ADORA1: variants seen among roughly 807,000 people sequenced by gnomAD.
ADORA1 encodes adenosine A1 receptor.
A neutral mutation model predicts 19.9 loss-of-function variants in ADORA1; 6 were observed. The ratio of observed to expected loss-of-function variants is 0.30; its 90% CI spans 0.17 to 0.59. The LOEUF is 0.59. ADORA1 is among the 20% of genes least tolerant of loss of function. ADORA1 has a pLI of 0.87. For missense variants in ADORA1, 302 were observed against 439.2 expected (o/e 0.69, Z 2.79); for synonymous variants, 194 against 188.4 (o/e 1.03, Z -0.24).
chr1:203,163,038 G>T (rs1292806289), intron 3 of ADORA1, among the ~76,000 whole-genome samples: 1 of 152,202 alleles, frequency 6.6e-6, no homozygotes, highest in Non-Finnish European at 1.5e-5. Flanking sequence ...GTAGACTCAT[G>T]CCCAGAACTT....
intron 3 of ADORA1, among the ~76,000 whole-genome samples, chr1:203,161,935 G>C (rs17530497): frequency 0.21 from 31,362 of 152,060 alleles, 3,887 homozygotes; most frequent in Non-Finnish European, 0.29. Flanking sequence ...GGCCCCTCTT[G>C]GTGTTCTCCC....
intron 3 of ADORA1, among the ~76,000 whole-genome samples, chr1:203,138,147 T>G (rs1049540260): frequency 4.6e-5 from 7 of 152,156 alleles, no homozygotes; most frequent in African/African-American, 1.7e-4. Flanking sequence ...GACTTTTACT[T>G]CTAAGCAACT....
chr1:203,156,810 C>G (rs1169085533), intron 3 of ADORA1, among the ~76,000 whole-genome samples: 1 of 152,242 alleles, frequency 6.6e-6, no homozygotes, highest in Admixed American at 6.5e-5. Flanking sequence ...GTTGCTGCCT[C>G]ATACCATGTG....
chr1:203,160,247 C>A (rs1655320373), intron 3 of ADORA1, among the ~76,000 whole-genome samples: 1 of 152,198 alleles, frequency 6.6e-6, no homozygotes, highest in East Asian at 1.9e-4. Context: ...GGTTGAGTAT[C>A]CCTTATCCAA....
intron 3 of ADORA1, among the ~76,000 whole-genome samples, chr1:203,157,046 T>C (rs891590497): frequency 6.6e-6 from 1 of 152,244 alleles, no homozygotes; most frequent in South Asian, 2.1e-4. Flanking sequence ...TGCCCTGGCC[T>C]TCAAAATTCA....
chr1:203,153,657 G>C (rs189925106), intron 3 of ADORA1, among the ~76,000 whole-genome samples: 1 of 152,218 alleles, frequency 6.6e-6, no homozygotes, highest in South Asian at 2.1e-4. Flanking sequence ...CCCTCACAGC[G>C]GGATTCAAGG....
intron 3 of ADORA1, among the ~76,000 whole-genome samples, chr1:203,145,888 G>T (rs1361162460): frequency 6.6e-6 from 1 of 152,184 alleles, no homozygotes; most frequent in Non-Finnish European, 1.5e-5. Flanking sequence ...AGCCTGCCAA[G>T]GCCTGAATTT....
chr1:203,130,911 AG>A (rs1194169957), intron 3 of ADORA1, among the ~76,000 whole-genome samples: 1 of 152,200 alleles, frequency 6.6e-6, no homozygotes, highest in African/African-American at 2.4e-5. Context: ...GGGTGGAGGC[AG>A]GGACCTGCAC....
intron 3 of ADORA1, among the ~76,000 whole-genome samples, chr1:203,144,176 T>C (rs2102747497): frequency 6.6e-6 from 1 of 151,466 alleles, no homozygotes; most frequent in African/African-American, 2.4e-5. Flanking sequence ...TCAGCTCAGA[T>C]GACACCTCCC....
At chr1:203,153,709 C>A (rs1396965489) in intron 3 of ADORA1, among the ~76,000 whole-genome samples, 2 of 152,096 alleles carry the variant, frequency 1.3e-5, no homozygotes, top group Non-Finnish European at 2.9e-5. Flanking sequence ...CCCCAGGGCC[C>A]CTGAAGCAGA....
chr1:203,165,717 C>A lies in ADORA1; in HGVS notation c.798C>A (p.Pro266=). The change falls in exon 4 of 4, where the codon CCC becomes CCA. Residue 266 remains proline, a synonymous_variant. Transcript: ENST00000337894. The surrounding 1 kb of genome is among the most constrained non-coding windows in gnomAD (Gnocchi z 5.9). ...ITLFCPSCHK[P]SILTYIAIFL... is the part of the protein sequence containing the mutation. ...TCTTCTGCCCGTCCTGCCACAAGCC[C>A]AGCATCCTTACCTACATTGCCATCT... is the stretch of plus-strand genomic sequence containing the variant. 6.2e-7 allele frequency: 1 copy of A among 1,612,878 alleles called. No individual in the cohort carries two copies. Among genetic ancestry groups the A allele is most frequent in the Non-Finnish European group, 8.5e-7 (1 of 1,179,152 alleles).
chr1:203,148,799 C>T (rs1056673711), intron 3 of ADORA1, among the ~76,000 whole-genome samples: 18 of 152,176 alleles, frequency 1.2e-4, no homozygotes, highest in African/African-American at 1.7e-4. Context: ...CTCATGTGTC[C>T]GCCCCTCCCC....
chr1:203,129,595 G>T, intron 3 of ADORA1: 1 of 180,476 alleles, frequency 5.5e-6, no homozygotes, highest in Non-Finnish European at 1.1e-5. Context: ...TTAGGGTGGG[G>T]TGGGAACATA....
chr1:203,147,553 G>A (rs1654897258), intron 3 of ADORA1, among the ~76,000 whole-genome samples: 1 of 152,188 alleles, frequency 6.6e-6, no homozygotes, highest in African/African-American at 2.4e-5. Context: ...GCGTGGTCAG[G>A]GACCAGCAGC....
At chr1:203,142,612 G>A (rs1294942363) in intron 3 of ADORA1, among the ~76,000 whole-genome samples, 1 of 152,236 alleles carries the variant, frequency 6.6e-6, no homozygotes, top group African/African-American at 2.4e-5. Flanking sequence ...ACCGGAGCTT[G>A]TACAGCAAGT....
intron 3 of ADORA1, among the ~76,000 whole-genome samples, chr1:203,140,999 T>C (rs1385622602): frequency 1.3e-5 from 2 of 152,236 alleles, no homozygotes; most frequent in African/African-American, 2.4e-5. Context: ...GCACAGTGGT[T>C]CCCACTCTGA....
At chr1:203,134,177 A>T (rs1306824438) in intron 3 of ADORA1, among the ~76,000 whole-genome samples, 1 of 152,116 alleles carries the variant, frequency 6.6e-6, no homozygotes, top group Non-Finnish European at 1.5e-5. Context: ...CTTACGCAAG[A>T]TTACTTGGCT....
intron 3 of ADORA1, among the ~76,000 whole-genome samples, chr1:203,159,597 TG>T: frequency 6.6e-6 from 1 of 152,200 alleles, no homozygotes; most frequent in Non-Finnish European, 1.5e-5. Context: ...CACTCTCTCC[TG>T]GGGTATCCTC....
intron 3 of ADORA1, among the ~76,000 whole-genome samples, chr1:203,131,422 G>C (rs59880442): frequency 0.012 from 1,863 of 152,324 alleles, 50 homozygotes; most frequent in African/African-American, 0.043. Flanking sequence ...GCCCAGCTCA[G>C]TGTCTGGCAC....
Sources: allele counts gnomAD v4.1 joint callset (sites outside exome capture counted in the v4.1 genomes callset), GRCh38; gene constraint gnomAD v4.1.1; non-coding constraint Gnocchi (gnomAD v3.1); transcripts MANE v1.5; gene names NCBI Gene and HGNC (gene_info 2026-07-23, HGNC 2026-07-21).